The following CTNNA2 variants were observed in gnomAD, a reference collection of about 807,000 sequenced individuals.
CTNNA2 encodes the protein catenin alpha 2.
In CTNNA2, 42 loss-of-function variants were observed where a neutral mutation model predicts 101.0. The observed-to-expected ratio is 0.42, with a 90% CI of 0.32 to 0.54. The LOEUF is 0.54. Among genes scored for constraint, CTNNA2 ranks in the 20% least tolerant of loss-of-function variants. The pLI is 0.14. For missense variants in CTNNA2, 871 were observed against 1,223.1 expected, an observed-to-expected ratio of 0.71 and a Z score of 4.29; for synonymous variants, 450 against 456.4, an observed-to-expected ratio of 0.99 and a Z score of 0.18.
At chr2:80,356,600 A>C (rs1174640434) in intron 7 of CTNNA2, among the ~76,000 whole-genome samples, 1 of 152,192 alleles carries the variant, frequency 6.6e-6, no homozygotes, top group Non-Finnish European at 1.5e-5. Context: ...GAAATGAGAG[A>C]GAACAGAAGG....
intron 3 of CTNNA2, among the ~76,000 whole-genome samples, chr2:79,786,489 A>T (rs78247788): frequency 0.18 from 26,871 of 151,062 alleles, 4,192 homozygotes; most frequent in African/African-American, 0.41. Flanking sequence ...AAGTAAAGAT[A>T]TTTTTTTTTC....
intron 9 of CTNNA2, among the ~76,000 whole-genome samples, chr2:80,425,878 G>GA (rs1185502988): frequency 2.6e-5 from 4 of 152,048 alleles, no homozygotes; most frequent in Non-Finnish European, 4.4e-5. Context: ...ATGTTCATAG[G>GA]AAAAATAATA....
chr2:80,630,868 G>C (rs2149829975), intron 18 of CTNNA2, among the ~76,000 whole-genome samples: 1 of 152,206 alleles, frequency 6.6e-6, no homozygotes, highest in African/African-American at 2.4e-5. Flanking sequence ...TGCTGGGTGA[G>C]CCCTTCAAAC....
At chr2:79,345,680 T>A (rs1274908613) in intron 3 of CTNNA2, among the ~76,000 whole-genome samples, 1 of 151,876 alleles carries the variant, frequency 6.6e-6, no homozygotes, top group East Asian at 1.9e-4. Flanking sequence ...TGTTTGTCTG[T>A]TTTGTTTTTT....
chr2:79,576,618 C>T (rs979391903), intron 1 of CTNNA2, among the ~76,000 whole-genome samples: 1 of 151,834 alleles, frequency 6.6e-6, no homozygotes, highest in South Asian at 2.1e-4. Flanking sequence ...ATTTATGGGG[C>T]GTGTGGGGTG....
At chr2:79,498,823 T>C (rs944756797) in intron 4 of CTNNA2, 2 of 152,210 alleles carry the variant, frequency 1.3e-5, no homozygotes, top group Admixed American at 6.5e-5. Flanking sequence ...ACCTTGGGGA[T>C]AAGACTTGGC....
intron 1 of CTNNA2, among the ~76,000 whole-genome samples, chr2:79,192,022 G>GATCC (rs1347111009): frequency 3.3e-5 from 5 of 152,146 alleles, no homozygotes; most frequent in Non-Finnish European, 7.4e-5. Context: ...AAGGGGAGGG[G>GATCC]ATCCGGTCAA....
chr2:80,257,875 T>C (rs1672296100), intron 7 of CTNNA2, among the ~76,000 whole-genome samples: 1 of 152,180 alleles, frequency 6.6e-6, no homozygotes, highest in Non-Finnish European at 1.5e-5. Flanking sequence ...ATACTGCCAC[T>C]TGCTTTCTGA....
intron 3 of CTNNA2, among the ~76,000 whole-genome samples, chr2:79,857,778 A>G (rs1681256753): frequency 1.3e-5 from 2 of 152,236 alleles, no homozygotes; most frequent in South Asian, 4.1e-4. Context: ...TGATGTGAAA[A>G]GCATGACTTC....
At chr2:80,225,508 G>A (rs1708834147) in intron 7 of CTNNA2, among the ~76,000 whole-genome samples, 1 of 152,150 alleles carries the variant, frequency 6.6e-6, no homozygotes, top group South Asian at 2.1e-4. Context: ...TAAGAAAAAT[G>A]CAGAATATGA....
At chr2:80,343,569 G>A (rs1421091690) in intron 7 of CTNNA2, among the ~76,000 whole-genome samples, 1 of 152,122 alleles carries the variant, frequency 6.6e-6, no homozygotes, top group African/African-American at 2.4e-5. Context: ...AAATGTATGT[G>A]TGTTACCATT....
chr2:79,825,111 C>A lies in CTNNA2; in HGVS notation c.299-32902C>A, dbSNP rs536445631. ...GGCTGAGATGGGAAGAACGCTTGAG[C>A]CCAGGAGTTCAAGGCTGCCGGAAGC... On this transcript the variant is annotated intron_variant, in intron 3 of 18. Coordinates refer to ENST00000402739, the MANE Select transcript of CTNNA2 (RefSeq NM_001282597.3). Among the ~76,000 whole-genome samples, 7 of 152,184 alleles carry A rather than the reference C, an allele frequency of 4.6e-5. No homozygotes were observed. The South Asian group carries it at 8.3e-4, about 18-fold the overall frequency.
intron 7 of CTNNA2, among the ~76,000 whole-genome samples, chr2:79,912,756 C>T (rs768006668): frequency 5.9e-5 from 9 of 152,096 alleles, no homozygotes; most frequent in Admixed American, 2.0e-4. Flanking sequence ...AAAGGATGCG[C>T]GGCCTATAGA....
rs968990443 is a variant in CTNNA2, at chr2:79,654,843, T to C, written c.102+3185T>C. Among the ~76,000 whole-genome samples, 20 of 151,484 alleles carry C rather than the reference T, an allele frequency of 1.3e-4. 2 individuals carry two copies. Among genetic ancestry groups the C allele is most frequent in the Admixed American group, 1.1e-3 (17 of 15,274 alleles). On this transcript the variant is annotated intron_variant, in intron 2 of 18. Coordinates refer to ENST00000402739, the MANE Select transcript of CTNNA2 (RefSeq NM_001282597.3). ...TACCTAATACTGATAGGAAGTATGTTGGCCACCTACTCAGATTGTACCCTG... is the reference window on the plus strand; with the variant it reads ...TACCTAATACTGATAGGAAGTATGTCGGCCACCTACTCAGATTGTACCCTG...
At chr2:79,977,864 C>G (rs756481060) in intron 7 of CTNNA2, among the ~76,000 whole-genome samples, 131 of 151,986 alleles carry the variant, frequency 8.6e-4, no homozygotes, top group Non-Finnish European at 1.0e-3. Flanking sequence ...GAATTATATC[C>G]TTCTCAGCCT....
At chr2:80,531,487 C>G (rs562006767) in intron 9 of CTNNA2, among the ~76,000 whole-genome samples, 2 of 152,292 alleles carry the variant, frequency 1.3e-5, no homozygotes, top group East Asian at 1.9e-4. Flanking sequence ...CCTCCAGTTT[C>G]AGGAAGAGGT....
chr2:79,649,678 AC>A (rs1481728334), intron 1 of CTNNA2, among the ~76,000 whole-genome samples: 2 of 152,188 alleles, frequency 1.3e-5, no homozygotes, highest in African/African-American at 4.8e-5. Context: ...TTTTTGGAGG[AC>A]AGGCAGCATG....
intron 7 of CTNNA2, among the ~76,000 whole-genome samples, chr2:80,105,917 A>G (rs982910699): frequency 6.6e-6 from 1 of 152,184 alleles, no homozygotes; most frequent in Non-Finnish European, 1.5e-5. Flanking sequence ...GGGACATTAG[A>G]GTCACACATG....
At chr2:79,989,178 G>A (rs958454182) in intron 7 of CTNNA2, among the ~76,000 whole-genome samples, 51 of 152,074 alleles carry the variant, frequency 3.4e-4, no homozygotes, top group Admixed American at 2.3e-3. Context: ...AACAAGTAAC[G>A]GTTTCATAAT....
Sources: gnomAD v4.1 joint callset for allele counts (sites outside exome capture counted in the v4.1 genomes callset) on GRCh38, gnomAD v4.1.1 for gene constraint, MANE v1.5 for transcripts, NCBI Gene and HGNC (gene_info 2026-07-23, HGNC 2026-07-21) for gene names.